SLC9D1: variants seen among roughly 807,000 people sequenced by gnomAD.
SLC9D1 encodes solute carrier family 9 member D1.
the SLC9D1 span, among the ~76,000 whole-genome samples, chr13:113,509,186 TCC>T: frequency 0.051 from 4,578 of 89,138 alleles, 47 homozygotes; most frequent in African/African-American, 0.11. Context: ...GGCAGGTGGG[TCC>T]CCCCTGGAGC....
chr13:113,511,925 A>G, the SLC9D1 span: 3 of 152,324 alleles, frequency 2.0e-5, no homozygotes, highest in Non-Finnish European at 4.4e-5. Context: ...TGCAGTATAT[A>G]TACACTCGGA....
the SLC9D1 span, chr13:113,491,066 G>A: frequency 6.4e-6 from 1 of 155,240 alleles, no homozygotes. Context: ...GCTGGGCAGG[G>A]CGGCGGCCGC....
the SLC9D1 span, chr13:113,520,876 TGCTCACGCCCTG>T: frequency 3.1e-6 from 2 of 651,630 alleles, no homozygotes; most frequent in Non-Finnish European, 2.7e-6. Context: ...AACACTGCCT[TGCTCACGCCCTG>T]GCTCTGTGCT....
the SLC9D1 span, chr13:113,495,477 A>G: frequency 0.13 from 101,047 of 762,028 alleles, 8,635 homozygotes; most frequent in African/African-American, 0.35. Context: ...TTGTTTAACT[A>G]TGTGTGACAA....
At chr13:113,528,869 T>A in the SLC9D1 span, 1 of 152,206 alleles carries the variant, frequency 6.6e-6, no homozygotes, top group Non-Finnish European at 1.5e-5. Context: ...ATGTCCAACA[T>A]AAGTTGAACA....
the SLC9D1 span, among the ~76,000 whole-genome samples, chr13:113,526,473 C>G: frequency 7.9e-5 from 12 of 152,024 alleles, no homozygotes; most frequent in South Asian, 6.2e-4. Flanking sequence ...TAATCCTAGT[C>G]TTTGGGAGGC....
At chr13:113,522,257 T>G in the SLC9D1 span, among the ~76,000 whole-genome samples, 1 of 152,116 alleles carries the variant, frequency 6.6e-6, no homozygotes, top group Non-Finnish European at 1.5e-5. Flanking sequence ...TTGCTGAGAG[T>G]TTTTATGATG....
At chr13:113,515,387 T>C in the SLC9D1 span, among the ~76,000 whole-genome samples, 5 of 152,190 alleles carry the variant, frequency 3.3e-5, no homozygotes, top group African/African-American at 9.7e-5. Flanking sequence ...ATGCAAACTT[T>C]TACACTAAAA....
At chr13:113,540,041 G>A in the SLC9D1 span, among the ~76,000 whole-genome samples, 3 of 152,188 alleles carry the variant, frequency 2.0e-5, no homozygotes, top group Non-Finnish European at 4.4e-5. Context: ...TGCTGCAAAG[G>A]ACGTGATTTC....
the SLC9D1 span, among the ~76,000 whole-genome samples, chr13:113,533,809 G>A: frequency 2.4e-4 from 36 of 152,298 alleles, no homozygotes; most frequent in African/African-American, 8.4e-4. Flanking sequence ...TCTAGAATAC[G>A]CATTCACCCC....
the SLC9D1 span, among the ~76,000 whole-genome samples, chr13:113,535,858 G>A: frequency 1.9e-3 from 294 of 152,066 alleles, 1 homozygote; most frequent in African/African-American, 6.7e-3. This position sits in a 1 kb window ranked among gnomAD's most constrained non-coding sequence, Gnocchi z 4.1. Context: ...GGGAGGGGAT[G>A]GGGATGGCAT....
the SLC9D1 span, chr13:113,524,268 C>G: frequency 2.3e-6 from 1 of 426,008 alleles, no homozygotes; most frequent in Non-Finnish European, 4.7e-6. Context: ...TTTTGGGGCT[C>G]TTTTGTTTGG....
the SLC9D1 span, chr13:113,548,509 T>C: frequency 1.9e-6 from 3 of 1,552,768 alleles, no homozygotes; most frequent in Non-Finnish European, 2.6e-6. Context: ...CACTCTGGGT[T>C]TGAGTCGGGT....
chr13:113,505,050 T>C, the SLC9D1 span: 1 of 152,230 alleles, frequency 6.6e-6, no homozygotes, highest in Non-Finnish European at 1.5e-5. Flanking sequence ...ATTTTCCTGA[T>C]CATTAGTGAT....
the SLC9D1 span, chr13:113,503,418 A>G: frequency 7.9e-6 from 8 of 1,014,266 alleles, no homozygotes; most frequent in African/African-American, 1.6e-5. Context: ...CGGGCATACT[A>G]GGGCATGATT....
the SLC9D1 span, chr13:113,520,784 C>A: frequency 7.8e-7 from 1 of 1,289,928 alleles, no homozygotes. Flanking sequence ...ATCACTTGTG[C>A]ATAAAAATAC....
At chr13:113,503,709 T>G in the SLC9D1 span, 1 of 614,636 alleles carries the variant, frequency 1.6e-6, no homozygotes, top group African/African-American at 1.9e-5. Flanking sequence ...TAGAATATGA[T>G]ATTTCGGTTT....
At chr13:113,520,562 T>A in the SLC9D1 span, 2 of 1,279,288 alleles carry the variant, frequency 1.6e-6, no homozygotes, top group Non-Finnish European at 1.1e-6. Context: ...ATATTTTGAC[T>A]TTGGATACTT....
At chr13:113,502,169 C>T in the SLC9D1 span, among the ~76,000 whole-genome samples, 6 of 152,172 alleles carry the variant, frequency 3.9e-5, no homozygotes, top group East Asian at 1.9e-4. Flanking sequence ...CCACCTTTCA[C>T]GTGCTGAATG....
Sources: allele counts gnomAD v4.1 joint callset (sites outside exome capture counted in the v4.1 genomes callset), GRCh38; gene constraint gnomAD v4.1.1; non-coding constraint Gnocchi (gnomAD v3.1); transcripts MANE v1.5; gene names NCBI Gene and HGNC (gene_info 2026-07-23, HGNC 2026-07-21).